Variants in USO1 observed in about 807,000 individuals in gnomAD.
USO1 encodes general vesicular transport factor p115.
In USO1, 57 loss-of-function variants were observed where a neutral mutation model predicts 124.5. The ratio of observed to expected loss-of-function variants is 0.46; its 90% confidence interval spans 0.37 to 0.57. The LOEUF (loss-of-function observed/expected upper bound fraction) is 0.57, where lower values mean the gene tolerates loss of function less well. USO1 is among the 20% of genes least tolerant of loss of function. The pLI is 0.00. For missense variants in USO1, 900 were observed against 1,040.6 expected, an observed-to-expected ratio of 0.86 and a Z score of 1.86; for synonymous variants, 369 against 362.8, an observed-to-expected ratio of 1.02 and a Z score of -0.19.
intron 14 of USO1, among the ~76,000 whole-genome samples, chr4:75,800,140 T>TTGG (rs1484734453): frequency 6.6e-6 from 1 of 151,998 alleles, no homozygotes; most frequent in East Asian, 1.9e-4. Flanking sequence ...TAGAGACATG[T>TTGG]TGGCCAGGCT....
Position 75,804,960 on chromosome 4 carries a change from C to T in USO1, c.2126-180C>T, listed in dbSNP as rs1178307309. On this transcript the variant is annotated intron_variant, in intron 18 of 23. Coordinates refer to ENST00000514213, the MANE Select transcript of USO1 (RefSeq NM_003715.4). Reference sequence around the variant, plus strand: ...CTGTGCTGTTTTTTCTCCCAGAAATCTGGAAAATACTATCAGTTCACTATT... The same window carrying T: ...CTGTGCTGTTTTTTCTCCCAGAAATTTGGAAAATACTATCAGTTCACTATT... The T allele has an allele frequency of 5.6e-6, 4 of 715,162 alleles. No individual in the cohort carries two copies. In the East Asian group the frequency reaches 1.4e-4, roughly 24 times the overall value. The allele number at this position is 715,162 out of a possible 1,614,324, so 44.3% of individuals were successfully genotyped here. A position where few individuals can be genotyped will look rare whatever the true frequency, so the allele number is the denominator to read the frequency against.
At chr4:75,788,171 A>ATTT (rs11291010) in intron 10 of USO1, among the ~76,000 whole-genome samples, 218 of 123,050 alleles carry the variant, frequency 1.8e-3, no homozygotes, top group South Asian at 3.2e-3. Flanking sequence ...TTATTTATTT[A>ATTT]TTTTTTTTTT....
chr4:75,809,046 G>A lies in USO1; in HGVS notation c.2470G>A (p.Ala824Thr), dbSNP rs1265840458. 8 of 1,588,062 alleles carry A rather than the reference G, an allele frequency of 5.0e-6. No homozygotes were observed. The Admixed American group carries it at 5.4e-5, about 11-fold the overall frequency. The change falls in exon 21 of 24, where the codon GCG becomes ACG. Residue 824 changes from alanine (A) to threonine (T), a missense_variant. Around this residue, in one of 2 missense-constraint regions of USO1, gnomAD observed 362 missense variants for 359.0 expected, o/e 1.01. Transcript: ENST00000514213. ...EKQELLQKTE[A>T]FAKSVEVQGE... The stretch of plus-strand genomic sequence containing the variant: ...GCAGGAACTGTTACAGAAAACAGAA[G>A]CGTTTGTAAGTATTTTCTCTTTTTT...
intron 22 of USO1, among the ~76,000 whole-genome samples, chr4:75,810,890 C>T (rs768812587): frequency 1.4e-4 from 22 of 152,110 alleles, no homozygotes; most frequent in Non-Finnish European, 2.1e-4. Context: ...ACCACCACAC[C>T]CAGCTAATTT....
chr4:75,737,608 T>C (rs1310113155), intron 1 of USO1, among the ~76,000 whole-genome samples: 1 of 151,986 alleles, frequency 6.6e-6, no homozygotes, highest in Non-Finnish European at 1.5e-5. Context: ...GGTGGGAAAA[T>C]TGCTTGAGCT....
At chr4:75,811,833 G>A (rs534475097) in intron 22 of USO1, among the ~76,000 whole-genome samples, 21 of 152,024 alleles carry the variant, frequency 1.4e-4, no homozygotes, top group South Asian at 4.1e-4. Flanking sequence ...GACTTCTTCT[G>A]TAAAATGCTT....
intron 1 of USO1, among the ~76,000 whole-genome samples, chr4:75,732,674 C>A (rs1193929962): frequency 2.0e-5 from 3 of 151,124 alleles, no homozygotes; most frequent in African/African-American, 7.3e-5. Context: ...GTGAGGAGAT[C>A]AAGACCATCC....
chr4:75,812,020 C>G, intron 22 of USO1, 140 bp from the exon 23 acceptor site: 1 of 1,270,204 alleles, frequency 7.9e-7, no homozygotes, highest in East Asian at 2.5e-5. Context: ...TGTTAAACCT[C>G]CTGTACCCTT....
intron 20 of USO1, among the ~76,000 whole-genome samples, chr4:75,807,740 G>A (rs1212847106): frequency 6.6e-6 from 1 of 151,990 alleles, no homozygotes; most frequent in Non-Finnish European, 1.5e-5. Context: ...CTAATATATA[G>A]CCTTAGTTTG....
At chr4:75,803,805 C>T (rs1010945573) in intron 17 of USO1, among the ~76,000 whole-genome samples, 1 of 151,724 alleles carries the variant, frequency 6.6e-6, no homozygotes, top group African/African-American at 2.4e-5. Context: ...CATACATATA[C>T]TAAATTTCTT....
chr4:75,799,876 G>A (rs1244910569), intron 14 of USO1, 144 bp downstream of exon 14: 2 of 920,494 alleles, frequency 2.2e-6, no homozygotes, highest in East Asian at 2.8e-5. Context: ...TGTTAAAGTT[G>A]TTATGATGCT....
chr4:75,727,092 TTTG>T (rs1720486149), intron 1 of USO1, among the ~76,000 whole-genome samples: 1 of 152,176 alleles, frequency 6.6e-6, no homozygotes, highest in Non-Finnish European at 1.5e-5. Context: ...CTTTCCTGTT[TTTG>T]TTATTATTGG....
rs367823327 is a variant in USO1 at position 75,810,544 on chromosome 4, G to A, written c.2583+5G>A. The A allele has an allele frequency of 1.1e-5, 17 of 1,597,036 alleles. No homozygotes were observed. The highest frequency in any genetic ancestry group is 1.4e-5 in the Non-Finnish European group (17 of 1,174,336). ...CAAGAGACCAAAGAGTTAAAGGTTT[G>A]TTTTTGGTGCAACTTTTATTTACTG... is the stretch of plus-strand genomic sequence containing the variant. On this transcript the variant is annotated splice_donor_5th_base_variant and intron_variant, in intron 22 of 23. Transcript: ENST00000514213.
intron 8 of USO1, among the ~76,000 whole-genome samples, chr4:75,777,883 G>A (rs1047455413): frequency 6.6e-6 from 1 of 152,110 alleles, no homozygotes; most frequent in African/African-American, 2.4e-5. Flanking sequence ...ATCTGCACAT[G>A]AATATTAAAA....
At chr4:75,780,442 A>T (rs993586534) in intron 8 of USO1, among the ~76,000 whole-genome samples, 8 of 141,602 alleles carry the variant, frequency 5.6e-5, no homozygotes, top group Non-Finnish European at 1.2e-4. Context: ...AATTTTTTGT[A>T]TTTTTTTTTT....
intron 4 of USO1, among the ~76,000 whole-genome samples, chr4:75,768,474 T>C (rs887667261): frequency 3.3e-5 from 5 of 152,274 alleles, no homozygotes; most frequent in Admixed American, 3.3e-4. Flanking sequence ...CAATTAATTT[T>C]GTGTATGACC....
In USO1 at chr4:75,769,740, C is replaced by T. The variant is rs1167588051; in HGVS notation, c.296-699C>T. ...AGTTGTTGCTTTCATTTTTAGTGAT[C>T]TTTTTTTTTTTTTTTTACATAGTAC... On this transcript the variant is annotated intron_variant, in intron 4 of 23. Transcript: ENST00000514213. 7.9e-5 allele frequency among the ~76,000 whole-genome samples: 11 copies of T among 139,996 alleles called. No homozygotes were observed. The South Asian group carries it at 9.1e-4, about 12-fold the overall frequency. The allele number at this position is 139,996 out of a possible 152,430, so 91.8% of individuals were successfully genotyped here.
At chr4:75,727,390 A>G (rs1251243280) in intron 1 of USO1, among the ~76,000 whole-genome samples, 1 of 152,204 alleles carries the variant, frequency 6.6e-6, no homozygotes, top group Non-Finnish European at 1.5e-5. Flanking sequence ...AACTTTGAGT[A>G]TGTACATTTA....
chr4:75,734,580 G>A (rs1027220262), intron 1 of USO1, among the ~76,000 whole-genome samples: 2 of 151,982 alleles, frequency 1.3e-5, no homozygotes, highest in African/African-American at 4.8e-5. Context: ...TGTTCTTTTT[G>A]CTTAGGATTG....
Sources: gnomAD v4.1 joint callset for allele counts (sites outside exome capture counted in the v4.1 genomes callset) on GRCh38, gnomAD v4.1.1 for gene constraint, gnomAD v4.1.1 regional missense constraint, MANE v1.5 for transcripts, NCBI Gene and HGNC (gene_info 2026-07-23, HGNC 2026-07-21) for gene names.